EPG5: variants seen among roughly 807,000 people sequenced by gnomAD.
EPG5 encodes ectopic P-granules 5 autophagy tethering factor, also known as ectopic P granules protein 5 homolog.
A neutral mutation model predicts 302.7 loss-of-function variants in EPG5; 159 were observed. The ratio of observed to expected loss-of-function variants is 0.53; its 90% confidence interval spans 0.46 to 0.60. EPG5 has a LOEUF of 0.60. Among genes scored for constraint, EPG5 ranks in the 20% least tolerant of loss-of-function variants. The pLI is 0.00. For missense variants in EPG5, 2,896 were observed against 3,092.4 expected (o/e 0.94, Z 1.51); for synonymous variants, 1,158 against 1,136.8 (o/e 1.02, Z -0.37).
chr18:45,964,717 C>A (rs1313308797), intron 1 of EPG5, among the ~76,000 whole-genome samples: 2 of 152,088 alleles, frequency 1.3e-5, no homozygotes, highest in Non-Finnish European at 2.9e-5. Flanking sequence ...CCTGTAATCC[C>A]AGCACTGTGG....
rs2143780754 is a variant in EPG5, at chr18:45,954,490, C to T, written c.912G>A (p.Leu304=). 5.0e-6 allele frequency: 8 copies of T among 1,614,262 alleles called. No homozygotes were observed. Among genetic ancestry groups the T allele is most frequent in the Middle Eastern group, 1.6e-4 (1 of 6,062 alleles). ...LLNYSRCRKQ[L]LLAEAELLTL... ...TAAGCAGCTCAGCTTCAGCCAGCAG[C>T]AGTTGCTTCCTACATCGTGAGTAGT... Residue 304 remains leucine (L), a synonymous_variant, in exon 2 of 44, where the codon CTG becomes CTA. Transcript: ENST00000282041.
At chr18:45,942,856 A>G (rs1216101883) in intron 9 of EPG5, among the ~76,000 whole-genome samples, 1 of 152,212 alleles carries the variant, frequency 6.6e-6, no homozygotes, top group Non-Finnish European at 1.5e-5. Context: ...TGAAGCAGTA[A>G]GAGCCTGTAT....
At chr18:45,939,259 G>A (rs546960734) in intron 10 of EPG5, among the ~76,000 whole-genome samples, 15 of 152,296 alleles carry the variant, frequency 9.8e-5, no homozygotes, top group South Asian at 2.1e-4. Flanking sequence ...CACCTACTGC[G>A]TCTCACTGCA....
At chr18:45,879,363 T>G (rs1396057356) in intron 32 of EPG5, 149 bp from the exon 33 acceptor site, 1 of 625,306 alleles carries the variant, frequency 1.6e-6, no homozygotes. Flanking sequence ...AAATCAATGG[T>G]TTTTTGTTTT....
chr18:45,954,806 C>T lies in EPG5; in HGVS notation c.596G>A (p.Ser199Asn). Residue 199 changes from serine to asparagine, a missense_variant, in exon 2 of 44, where the codon AGT becomes AAT. Transcript: ENST00000282041. ...AAAACCATGTTTGGCTGGGCAAGAACTCTGCAAGCCAACATTCTGTGGCAC... is the reference window on the plus strand; with the variant it reads ...AAAACCATGTTTGGCTGGGCAAGAATTCTGCAAGCCAACATTCTGTGGCAC... ...SEVPQNVGLQSSCPAKHGFQT... is the reference protein window; with the variant it reads ...SEVPQNVGLQNSCPAKHGFQT... The T allele has an allele frequency of 2.5e-6, 4 of 1,614,162 alleles. No individual in the cohort carries two copies. The highest frequency in any genetic ancestry group is 2.5e-6 in the Non-Finnish European group (3 of 1,180,018).
At position 45,967,281 on chromosome 18, in the gene EPG5, C is replaced by A; in HGVS notation, c.-42G>T. ...CCGTCACCGTTTGTTTTTGTCAAAC[C>A]CCTGCGCTTCAAGCAACCTGCCCGG... On this transcript the variant is annotated 5_prime_UTR_variant, in exon 1 of 44. Coordinates refer to ENST00000282041, the MANE Select transcript of EPG5 (RefSeq NM_020964.3). The A allele has an allele frequency of 1.3e-6, 2 of 1,529,166 alleles. No individual in the cohort carries two copies. Among genetic ancestry groups the A allele is most frequent in the Non-Finnish European group, 1.8e-6 (2 of 1,135,036 alleles). The allele number at this position is 1,529,166 out of a possible 1,614,324, so 94.7% of individuals were successfully genotyped here.
At chr18:45,903,137 A>G (rs1189866533) in intron 25 of EPG5, among the ~76,000 whole-genome samples, 1 of 152,212 alleles carries the variant, frequency 6.6e-6, no homozygotes, top group Non-Finnish European at 1.5e-5. Flanking sequence ...ACAAACTTTC[A>G]GGAATAGAAA....
At chr18:45,878,909 TTCTC>T in intron 33 of EPG5, 100 bp downstream of exon 33, 1 of 887,938 alleles carries the variant, frequency 1.1e-6, no homozygotes, top group Non-Finnish European at 1.8e-6. Flanking sequence ...TATTTCTACT[TTCTC>T]TCCTTGACAC....
intron 1 of EPG5, among the ~76,000 whole-genome samples, chr18:45,966,460 A>G (rs1026729695): frequency 2.0e-5 from 3 of 152,102 alleles, no homozygotes; most frequent in African/African-American, 7.2e-5. Context: ...ATGTGTACAT[A>G]TGTATATATG....
intron 7 of EPG5, among the ~76,000 whole-genome samples, chr18:45,946,391 G>C (rs970361443): frequency 7.9e-5 from 12 of 152,186 alleles, no homozygotes; most frequent in African/African-American, 2.7e-4. Flanking sequence ...TGAACAGAAT[G>C]ATATTCTAGA....
intron 29 of EPG5, among the ~76,000 whole-genome samples, chr18:45,887,201 C>T (rs1290372349): frequency 6.6e-6 from 1 of 152,134 alleles, no homozygotes; most frequent in African/African-American, 2.4e-5. Flanking sequence ...ATCTATGTCA[C>T]TGTAAGCCAA....
At chr18:45,903,624 T>C (rs1018213933) in intron 25 of EPG5, among the ~76,000 whole-genome samples, 3 of 152,208 alleles carry the variant, frequency 2.0e-5, no homozygotes, top group Admixed American at 6.5e-5. Context: ...TGTGGCCTGA[T>C]AGAAAACTAA....
chr18:45,814,381 G>A, the EPG5 span, among the ~76,000 whole-genome samples: 1 of 152,284 alleles, frequency 6.6e-6, no homozygotes, highest in Non-Finnish European at 1.5e-5. Context: ...AGACTAAAGA[G>A]ACTACATAAC....
intron 13 of EPG5, among the ~76,000 whole-genome samples, chr18:45,927,959 C>G (rs182488909): frequency 6.6e-6 from 1 of 151,838 alleles, no homozygotes; most frequent in African/African-American, 2.4e-5. Context: ...TTTGGGAGAC[C>G]GAGGTGGGTG....
chr18:45,890,053 CT>C, intron 27 of EPG5, 113 bp from the exon 28 acceptor site: 2 of 761,622 alleles, frequency 2.6e-6, no homozygotes, highest in Non-Finnish European at 4.0e-6. Flanking sequence ...ATTTGTATCT[CT>C]TTATATGACT....
the EPG5 span, among the ~76,000 whole-genome samples, chr18:45,831,159 C>A: frequency 6.6e-6 from 1 of 152,136 alleles, no homozygotes; most frequent in Admixed American, 6.5e-5. Context: ...ATGCCTCTTG[C>A]GGCAGTGAAC....
downstream of EPG5, among the ~76,000 whole-genome samples, chr18:45,846,467 G>A (rs759038854): frequency 1.4e-5 from 2 of 146,902 alleles, no homozygotes; most frequent in Non-Finnish European, 3.0e-5. Context: ...GTTGCAGTGG[G>A]CCGAGATCGC....
rs747193373 is a variant in EPG5, at chr18:45,952,573, G to A, written c.1079C>T (p.Ala360Val). ...GAATAGCTTCTTTAGCTCCACCAGTGCATTTTCATTCATTTCTACTCTTTG... is the reference window on the plus strand; with the variant it reads ...GAATAGCTTCTTTAGCTCCACCAGTACATTTTCATTCATTTCTACTCTTTG... ...RYQRVEMNEN[A>V]LVELKKLFDA... Residue 360 changes from alanine to valine, a missense_variant, in exon 3 of 44, where the codon GCA becomes GTA. Ala to Val is a moderately conservative substitution (Grantham distance 64). This residue lies in a region of EPG5 where 1,390 missense variants were observed against 1,430.0 expected (regional missense o/e 0.97). Transcript: ENST00000282041. 1.1e-5 allele frequency: 18 copies of A among 1,614,136 alleles called. No individual in the cohort carries two copies. The highest frequency in any genetic ancestry group is 1.6e-4 in the Middle Eastern group (1 of 6,062).
chr18:45,928,827 A>G, intron 13 of EPG5, 42 bp downstream of exon 13: 1 of 1,592,210 alleles, frequency 6.3e-7, no homozygotes, highest in Non-Finnish European at 8.5e-7. Flanking sequence ...CCATTACTCC[A>G]AGATTTGAAA....
Sources: gnomAD v4.1 joint callset for allele counts (sites outside exome capture counted in the v4.1 genomes callset) on GRCh38, gnomAD v4.1.1 for gene constraint, gnomAD v4.1.1 regional missense constraint, MANE v1.5 for transcripts, NCBI Gene and HGNC (gene_info 2026-07-23, HGNC 2026-07-21) for gene names.